Variants in TSR1 observed in about 807,000 individuals in gnomAD.
The protein encoded by TSR1 is pre-rRNA-processing protein TSR1 homolog.
TSR1 carries 81 observed loss-of-function variants against 90.9 expected under a neutral mutation model. That is an observed-to-expected ratio of 0.89 (90% CI 0.74 to 1.07). The LOEUF is 1.07. Among genes scored for constraint, TSR1 ranks in the 50% least tolerant of loss-of-function variants. The probability of loss-of-function intolerance (pLI) is 0.00; values close to 1 mark genes in which losing one functional copy is unlikely to be tolerated. For missense variants in TSR1, 989 were observed against 987.3 expected, an observed-to-expected ratio of 1.00 and a Z score of -0.02; for synonymous variants, 362 against 348.8, an observed-to-expected ratio of 1.04 and a Z score of -0.42.
intron 11 of TSR1, among the ~76,000 whole-genome samples, chr17:2,326,361 C>T (rs946220108): frequency 6.6e-6 from 1 of 152,050 alleles, no homozygotes; most frequent in Non-Finnish European, 1.5e-5. Flanking sequence ...AGTTAGTGGG[C>T]AACATATCTT....
Position 2,322,944 on chromosome 17 carries a change from T to C in TSR1, c.*1252A>G, listed in dbSNP as rs1018207474. ...CACGCCTGGCTGATTTTCCTATTTT[T>C]AGTTGACACTGCATTTCACCAGGTT... On this transcript the variant is annotated 3_prime_UTR_variant, in exon 15 of 15. Transcript: ENST00000301364. 1.2e-5 allele frequency: 7 copies of C among 570,396 alleles called. No homozygotes were observed. Among genetic ancestry groups the C allele is most frequent in the African/African-American group, 3.8e-5 (2 of 53,140 alleles). The allele number at this position is 570,396 out of a possible 1,614,324, so 35.3% of individuals were successfully genotyped here. A position where few individuals can be genotyped will look rare whatever the true frequency, so the allele number is the denominator to read the frequency against.
chr17:2,324,069 A>G lies in TSR1; in HGVS notation c.*127T>C, dbSNP rs1039515495. 1.7e-4 allele frequency: 227 copies of G among 1,346,436 alleles called. No homozygotes were observed. Among genetic ancestry groups the G allele is most frequent in the Admixed American group, 3.7e-4 (16 of 43,180 alleles). 83.4% of individuals were successfully genotyped at this position (1,346,436 alleles called of 1,614,324 possible). ...AGACATTTTGTCAAGGCTAAAAAAA[A>G]GTCTTGCAAAATGGGGCAGTGGACT... On this transcript the variant is annotated 3_prime_UTR_variant, in exon 15 of 15. Transcript: ENST00000301364.
chr17:2,323,134 A>C lies in TSR1; in HGVS notation c.*1062T>G. The C allele has an allele frequency of 6.2e-7, 1 of 1,614,092 alleles. No individual in the cohort carries two copies. On this transcript the variant is annotated 3_prime_UTR_variant, in exon 15 of 15. Transcript: ENST00000301364. ...AAGATGTCTTAATATTCCTCTTCCC[A>C]GGCTCTGAAACCTAGTGTGAAGGTA...
chr17:2,332,053 T>C, intron 8 of TSR1, 116 bp downstream of exon 8: 4 of 1,164,148 alleles, frequency 3.4e-6, no homozygotes, highest in Non-Finnish European at 4.9e-6. Flanking sequence ...TGTTAGCTCT[T>C]CAGGAGCAGA....
At chr17:2,331,475 TTGAG>T (rs2064002628) in intron 8 of TSR1, among the ~76,000 whole-genome samples, 1 of 152,048 alleles carries the variant, frequency 6.6e-6, no homozygotes, top group South Asian at 2.1e-4. Flanking sequence ...ACCCTCCTTG[TTGAG>T]TGAGTTCTCA....
intron 7 of TSR1, 76 bp from the exon 8 acceptor site, chr17:2,332,435 A>G: frequency 7.9e-7 from 1 of 1,269,200 alleles, no homozygotes; most frequent in Non-Finnish European, 1.1e-6. Flanking sequence ...AGCTAAGAGT[A>G]AAATAATTGT....
chr17:2,335,496 G>A lies in TSR1; in HGVS notation c.421+15C>T, dbSNP rs2064052877. The A allele has an allele frequency of 6.2e-7, 1 of 1,612,632 alleles. No individual in the cohort carries two copies. The highest frequency in any genetic ancestry group is 1.3e-5 in the African/African-American group (1 of 74,802). On this transcript the variant is annotated intron_variant, in intron 3 of 14. Transcript: ENST00000301364. Reference sequence around the variant, plus strand: ...CTACTCAAACATAATACAAAATATTGGTGTATACTCTAACCTGGCCTTGCT... The same window carrying A: ...CTACTCAAACATAATACAAAATATTAGTGTATACTCTAACCTGGCCTTGCT...
chr17:2,333,687 C>A lies in TSR1; in HGVS notation c.1011G>T (p.Met337Ile). The part of the protein sequence containing the change: ...EICATDAVDD[M>I]EEGLKVLMKA... ...TCATTAGGACTTTAAGACCTTCTTC[C>A]ATATCATCTACAGCATCCGTAGCAC... Residue 337 changes from methionine to isoleucine, a missense_variant, in exon 6 of 15, where the codon ATG becomes ATT. By Grantham distance (10) the Met-to-Ile change is conservative (BLOSUM62 1). Transcript: ENST00000301364. The A allele has an allele frequency of 6.2e-7, 1 of 1,614,110 alleles. No homozygotes were observed. Among genetic ancestry groups the A allele is most frequent in the South Asian group, 1.1e-5 (1 of 91,078 alleles).
In TSR1 at chr17:2,334,689, G is replaced by A; in HGVS notation, c.764C>T (p.Ala255Val). ...AFRDRRAYLF[A>V]HAVDFVPSEE... ...ACTAGGAACAAAATCAACAGCATGG[G>A]CAAATAGGTAGGCCCGCCGATCTCG... Residue 255 changes from alanine (A) to valine (V), a missense_variant, in exon 5 of 15, where the codon GCC (alanine) becomes GTC (valine). Physicochemically the swap from Ala to Val is moderately conservative, Grantham distance 64 (BLOSUM62 0). Coordinates refer to ENST00000301364, the MANE Select transcript of TSR1 (RefSeq NM_018128.5). The A allele has an allele frequency of 6.2e-7, 1 of 1,613,434 alleles. No homozygotes were observed. The highest frequency in any genetic ancestry group is 8.5e-7 in the Non-Finnish European group (1 of 1,180,036).
intron 7 of TSR1, 97 bp from the exon 8 acceptor site, chr17:2,332,456 T>A (rs2064013106): frequency 9.7e-7 from 1 of 1,034,996 alleles, no homozygotes; most frequent in African/African-American, 1.6e-5. Context: ...ACTAGATCCC[T>A]ATTCCCAACC....
At position 2,325,359 on chromosome 17, in the gene TSR1, A is replaced by G. The variant is rs775457016; in HGVS notation, c.1965T>C (p.Tyr655=). Residue 655 remains tyrosine, a synonymous_variant, in exon 12 of 15, where the codon TAT becomes TAC. Transcript: ENST00000301364. ...ATGCAGGAGGAAAAGTGATTGGCGC[A>G]TAGACTGTCGCCACCAGGGCCATGT... is the stretch of plus-strand genomic sequence containing the variant. ...TADMALVATV[Y]APITFPPASV... The G allele has an allele frequency of 1.1e-5, 17 of 1,613,690 alleles. No homozygotes were observed. The African/African-American group carries it at 1.6e-4, about 15-fold the overall frequency.
Position 2,335,671 on chromosome 17 carries a change from C to T in TSR1, c.261G>A (p.Val87=), listed in dbSNP as rs1403332313. ...GGGAAATTCTGCTGTGCAGGGGCAC[C>T]ACCAGTACCTGATGAGGAGGGCCAT... ...GKDGPPHQVL[V]VPLHSRISLP... is the part of the protein sequence containing the mutation. The change falls in exon 3 of 15, where the codon GTG becomes GTA. Residue 87 remains valine (V), a synonymous_variant. Coordinates refer to ENST00000301364, the MANE Select transcript of TSR1 (RefSeq NM_018128.5). 2.5e-6 allele frequency: 4 copies of T among 1,614,094 alleles called. No homozygotes were observed. The highest frequency in any genetic ancestry group is 3.4e-6 in the Non-Finnish European group (4 of 1,180,028).
intron 10 of TSR1, among the ~76,000 whole-genome samples, chr17:2,330,027 C>A (rs545344814): frequency 6.6e-6 from 1 of 152,222 alleles, no homozygotes; most frequent in East Asian, 1.9e-4. Flanking sequence ...TCAAGCAATT[C>A]TTCTGCCTCA....
At chr17:2,333,249 T>C (rs960185208) in intron 6 of TSR1, 125 bp from the exon 7 acceptor site, 4 of 1,132,302 alleles carry the variant, frequency 3.5e-6, no homozygotes, top group African/African-American at 1.5e-5. Flanking sequence ...ACACTGTAAA[T>C]AGAACTACTT....
In TSR1 at chr17:2,334,728, T is replaced by G; in HGVS notation, c.725A>C (p.Gln242Pro). The change falls in exon 5 of 15, where the codon CAG becomes CCG. Residue 242 changes from glutamine (Q) to proline (P), a missense_variant. Transcript: ENST00000301364. ...CCGCCGATCTCGAAAAGCAAGATGCTGTTGCTTCTGGTTAGCCAACTGCCT... is the reference window on the plus strand; with the variant it reads ...CCGCCGATCTCGAAAAGCAAGATGCGGTTGCTTCTGGTTAGCCAACTGCCT... ...LLRQLANQKQQHLAFRDRRAY... is the reference protein window; with the variant it reads ...LLRQLANQKQPHLAFRDRRAY... 6.2e-7 allele frequency: 1 copy of G among 1,614,124 alleles called. No homozygotes were observed. The highest frequency in any genetic ancestry group is 2.2e-5 in the East Asian group (1 of 44,886).
chr17:2,323,388 C>T lies in TSR1; in HGVS notation c.*808G>A. 6.2e-7 allele frequency: 1 copy of T among 1,608,976 alleles called. No homozygotes were observed. The highest frequency in any genetic ancestry group is 8.5e-7 in the Non-Finnish European group (1 of 1,176,034). ...AAAGAAATAGCAAAGCATGGTGTAA[C>T]TTCTTAGGCAGAAGAAACTTCCCTT... On this transcript the variant is annotated 3_prime_UTR_variant, in exon 15 of 15. Transcript: ENST00000301364.
chr17:2,330,558 C>T lies in TSR1; in HGVS notation c.1727G>A (p.Gly576Glu). ...PVSVVECFRQ[G>E]TPLIAFSLLP... ...TAAAGAAAATGCAATCAAGGGTGTTCCTTGCCTGAAGCACTCGACCACTGA... is the reference window on the plus strand; with the variant it reads ...TAAAGAAAATGCAATCAAGGGTGTTTCTTGCCTGAAGCACTCGACCACTGA... Residue 576 changes from glycine (G) to glutamate (E), a missense_variant, in exon 10 of 15, where the codon GGA becomes GAA. By Grantham distance (98) the Gly-to-Glu change is moderately conservative. Coordinates refer to ENST00000301364, the MANE Select transcript of TSR1 (RefSeq NM_018128.5). The T allele has an allele frequency of 6.2e-7, 1 of 1,613,974 alleles. No individual in the cohort carries two copies. Among genetic ancestry groups the T allele is most frequent in the Non-Finnish European group, 8.5e-7 (1 of 1,179,986 alleles).
intron 8 of TSR1, among the ~76,000 whole-genome samples, 153 bp downstream of exon 8, chr17:2,332,016 A>T (rs960522026): frequency 6.6e-6 from 1 of 152,152 alleles, no homozygotes; most frequent in African/African-American, 2.4e-5. Flanking sequence ...CATTTCCCGT[A>T]TGTATGTCCT....
rs1403665452 is a variant in TSR1 at position 2,324,775 on chromosome 17, A to G, written c.2075T>C (p.Met692Thr). 1.7e-5 allele frequency: 28 copies of G among 1,614,214 alleles called. No individual in the cohort carries two copies. The highest frequency in any genetic ancestry group is 2.4e-5 in the Non-Finnish European group (28 of 1,180,034). Residue 692 changes from methionine (M) to threonine (T), a missense_variant, in exon 13 of 15, where the codon ATG becomes ACG. By Grantham distance (81) the Met-to-Thr change is moderately conservative. Transcript: ENST00000301364. ...GHLMSVDPDR[M>T]VIKRVVLSGH... ...ACTCAGAACAACTCTCTTGATGACC[A>G]TTCTGTCTGGATCTACTGACATAAG...
Sources: allele counts gnomAD v4.1 joint callset (sites outside exome capture counted in the v4.1 genomes callset), GRCh38; gene constraint gnomAD v4.1.1; transcripts MANE v1.5; gene names NCBI Gene and HGNC (gene_info 2026-07-23, HGNC 2026-07-21).